The following RBM45 variants were observed in gnomAD, a reference collection of about 807,000 sequenced individuals.
RBM45 encodes the protein RNA binding motif protein 45.
In RBM45, 39 loss-of-function variants were observed where a neutral mutation model predicts 58.5. The observed-to-expected ratio is 0.67, with a 90% confidence interval of 0.52 to 0.87. The LOEUF is 0.87. Ranked by LOEUF, RBM45 falls within the 40% of genes least tolerant of loss-of-function variation. The probability of loss-of-function intolerance (pLI) is 0.00; values close to 1 mark genes in which losing one functional copy is unlikely to be tolerated. For synonymous variants in RBM45, 193 were observed against 203.0 expected (o/e 0.95, Z 0.42); for missense variants, 481 against 581.6 (o/e 0.83, Z 1.78).
At chr2:178,123,429 T>A in intron 5 of RBM45, 93 bp from the exon 6 acceptor site, 1 of 1,313,806 alleles carries the variant, frequency 7.6e-7, no homozygotes, top group Non-Finnish European at 1.0e-6. Flanking sequence ...ATATTAGAGT[T>A]CTACATGGTT....
At chr2:178,138,380 TATC>T (rs1445165369) in exon 4 of RBM45, 5 of 152,184 alleles carry the variant, frequency 3.3e-5, no homozygotes, top group African/African-American at 7.2e-5. Context: ...TACAGAGATT[TATC>T]CTTTGACTAA....
chr2:178,122,586 T>G (rs1290938273), intron 5 of RBM45, among the ~76,000 whole-genome samples: 4 of 152,310 alleles, frequency 2.6e-5, no homozygotes, highest in Non-Finnish European at 4.4e-5. Context: ...TATGAAGTTG[T>G]GTTCATTTTG....
At position 178,124,220 on chromosome 2, in the gene RBM45, G is replaced by T; in HGVS notation, c.1162G>T (p.Val388Leu). The T allele has an allele frequency of 5.0e-6, 8 of 1,608,356 alleles. No homozygotes were observed. The highest frequency in any genetic ancestry group is 6.8e-6 in the Non-Finnish European group (8 of 1,177,084). Reference sequence around the variant, plus strand: ...AAAAAAAGCTCCTGCTGAAACTCCTGTGAAAGAAAGACTTTTTATTGTGTT... The same window carrying T: ...AAAAAAAGCTCCTGCTGAAACTCCTTTGAAAGAAAGACTTTTTATTGTGTT... ...CKKKAPAETP[V>L]KERLFIVFNP... is the part of the protein sequence containing the mutation. The change falls in exon 8 of 10, where the codon GTG becomes TTG. Residue 388 changes from valine (V) to leucine (L), a missense_variant. Physicochemically the swap from Val to Leu is conservative, Grantham distance 32 (BLOSUM62 1). Transcript: ENST00000286070.
At chr2:178,113,342 C>A (rs1486609107) in intron 1 of RBM45, among the ~76,000 whole-genome samples, 5 of 152,044 alleles carry the variant, frequency 3.3e-5, no homozygotes, top group African/African-American at 1.2e-4. Context: ...TGGTGTTGGA[C>A]GTTTTCCTAG....
At chr2:178,126,260 A>C (rs2087928201) in intron 9 of RBM45, 76 bp downstream of exon 9, 2 of 919,812 alleles carry the variant, frequency 2.2e-6, no homozygotes, top group South Asian at 3.0e-5. Flanking sequence ...GTACTTTATA[A>C]ACTTTTCTTT....
chr2:178,125,834 A>G, intron 8 of RBM45, 150 bp from the exon 9 acceptor site: 1 of 716,650 alleles, frequency 1.4e-6, no homozygotes, highest in Admixed American at 2.0e-5. Context: ...GAGAATGAAT[A>G]GAATTGACTG....
At chr2:178,128,401 A>G (rs1481828447) in intron 9 of RBM45, among the ~76,000 whole-genome samples, 1 of 151,786 alleles carries the variant, frequency 6.6e-6, no homozygotes, top group Admixed American at 6.6e-5. Flanking sequence ...CTAAACTAAA[A>G]CTCTTGCATT....
intron 3 of RBM45, among the ~76,000 whole-genome samples, chr2:178,135,139 G>A (rs746692269): frequency 6.6e-6 from 1 of 152,084 alleles, no homozygotes; most frequent in East Asian, 1.9e-4. Flanking sequence ...TAGTACATTC[G>A]TAACTTAATA....
chr2:178,123,354 G>A (rs1430750596), intron 5 of RBM45, among the ~76,000 whole-genome samples, 168 bp from the exon 6 acceptor site: 2 of 152,054 alleles, frequency 1.3e-5, no homozygotes, highest in African/African-American at 4.8e-5. Context: ...GAATACACCT[G>A]TTGCACACAT....
intron 1 of RBM45, among the ~76,000 whole-genome samples, chr2:178,115,542 A>G (rs532655996): frequency 6.6e-6 from 1 of 152,186 alleles, no homozygotes; most frequent in Non-Finnish European, 1.5e-5. Context: ...TGAAGGAATA[A>G]CTAGAAGTAG....
intron 4 of RBM45, 57 bp from the exon 5 acceptor site, chr2:178,121,123 A>C (rs2105903810): frequency 1.2e-6 from 1 of 836,046 alleles, no homozygotes; most frequent in Middle Eastern, 2.3e-4. Flanking sequence ...TAAAATGTTA[A>C]GCGAATTGTT....
At chr2:178,128,323 T>C (rs969179094) in intron 9 of RBM45, among the ~76,000 whole-genome samples, 5 of 152,040 alleles carry the variant, frequency 3.3e-5, no homozygotes, top group African/African-American at 1.2e-4. Context: ...TGAGGCCCAG[T>C]TTTCTCATAG....
intron 1 of RBM45, 71 bp from the exon 2 acceptor site, chr2:178,116,190 CT>C: frequency 6.8e-7 from 1 of 1,465,108 alleles, no homozygotes; most frequent in Non-Finnish European, 9.0e-7. Flanking sequence ...AGAATAATTG[CT>C]TTTGAAAAAA....
rs762093824 is a variant in RBM45, at chr2:178,121,310, A to G, written c.804A>G (p.Val268=). 9 of 1,602,822 alleles carry G rather than the reference A, an allele frequency of 5.6e-6. No homozygotes were observed. Among genetic ancestry groups the G allele is most frequent in the Non-Finnish European group, 5.1e-6 (6 of 1,175,548 alleles). Residue 268 remains valine, a synonymous_variant, in exon 5 of 10, where the codon GTA becomes GTG. Coordinates refer to ENST00000286070, the MANE Select transcript of RBM45 (RefSeq NM_152945.4). ...EEQLFSIFDI[V]PGLEYCEVQR... ...AGCTTTTCAGCATTTTTGATATAGT[A>G]CCAGGATTGGAATATTGTGAAGTTC...
Position 178,112,652 on chromosome 2 carries a change from A to C in RBM45, c.106A>C (p.Thr36Pro), listed in dbSNP as rs2087718637. ...CATCTTCCTTGTGATCAGCAAGTAC[A>C]CACCTGAGTCGGTGCTGAGGGAGCG... ...SRIFLVISKY[T>P]PESVLRERFS... Residue 36 changes from threonine to proline, a missense_variant, in exon 1 of 10, where the codon ACA becomes CCA. Transcript: ENST00000286070. The C allele has an allele frequency of 1.2e-6, 2 of 1,614,054 alleles. No homozygotes were observed. The highest frequency in any genetic ancestry group is 2.7e-5 in the African/African-American group (2 of 74,936).
At chr2:178,131,903 G>A (rs1029218098), downstream of RBM45, among the ~76,000 whole-genome samples, 3 of 152,018 alleles carry the variant, frequency 2.0e-5, no homozygotes, top group Non-Finnish European at 2.9e-5. Context: ...CTAAAAAATT[G>A]CATTTATTAA....
intron 8 of RBM45, among the ~76,000 whole-genome samples, chr2:178,125,470 C>T (rs2087916467): frequency 6.6e-6 from 1 of 152,112 alleles, no homozygotes; most frequent in South Asian, 2.1e-4. Context: ...AATTTCTCCA[C>T]AGGTGAAAGC....
At chr2:178,128,408 C>G (rs977010291) in intron 9 of RBM45, among the ~76,000 whole-genome samples, 1 of 152,146 alleles carries the variant, frequency 6.6e-6, no homozygotes, top group Non-Finnish European at 1.5e-5. Context: ...AAAACTCTTG[C>G]ATTTGTAGCT....
downstream of RBM45, among the ~76,000 whole-genome samples, chr2:178,130,163 T>A (rs1028005101): frequency 2.0e-4 from 30 of 152,086 alleles, no homozygotes; most frequent in African/African-American, 7.0e-4. Context: ...TCCAAAAATA[T>A]GACATGTAAG....
Sources: gnomAD v4.1 joint callset for allele counts (sites outside exome capture counted in the v4.1 genomes callset) on GRCh38, gnomAD v4.1.1 for gene constraint, MANE v1.5 for transcripts, NCBI Gene and HGNC (gene_info 2026-07-23, HGNC 2026-07-21) for gene names.